PDS5A: variants seen among roughly 807,000 people sequenced by gnomAD.
PDS5A encodes the protein sister chromatid cohesion protein PDS5 homolog A.
Under a neutral mutation model 167.1 loss-of-function variants are expected in PDS5A, and 42 were observed. The observed-to-expected ratio is 0.25, with a 90% CI of 0.20 to 0.33. PDS5A has a LOEUF of 0.33. Among genes scored for constraint, PDS5A ranks in the 10% least tolerant of loss-of-function variants. The pLI is 1.00. For missense variants in PDS5A, 1,033 were observed against 1,605.9 expected, an observed-to-expected ratio of 0.64 and a Z score of 6.10; for synonymous variants, 553 against 554.6, an observed-to-expected ratio of 1.00 and a Z score of 0.04.
chr4:39,860,505 T>A (rs941096959), intron 26 of PDS5A, among the ~76,000 whole-genome samples: 4 of 151,452 alleles, frequency 2.6e-5, no homozygotes, highest in Non-Finnish European at 5.9e-5. Context: ...GAAAGGAAAT[T>A]AGTAGATCTA....
intron 20 of PDS5A, 103 bp downstream of exon 20, chr4:39,874,186 A>AC: frequency 1.2e-6 from 1 of 861,134 alleles, no homozygotes; most frequent in South Asian, 1.8e-5. Context: ...CTAAGGTAGG[A>AC]CTTCATATAA....
intron 2 of PDS5A, among the ~76,000 whole-genome samples, chr4:39,968,292 A>C: frequency 6.6e-6 from 1 of 151,388 alleles, no homozygotes; most frequent in East Asian, 1.9e-4. Context: ...TTAGATGTGA[A>C]CCCTGTATTA....
intron 14 of PDS5A, 28 bp from the exon 15 acceptor site, chr4:39,898,853 C>T (rs1722640392): frequency 6.6e-7 from 1 of 1,507,030 alleles, no homozygotes; most frequent in Non-Finnish European, 9.1e-7. Flanking sequence ...AACAAAAGAA[C>T]AACTAGTCAT....
intron 21 of PDS5A, among the ~76,000 whole-genome samples, chr4:39,871,319 C>T (rs1175898257): frequency 6.6e-6 from 1 of 152,148 alleles, no homozygotes; most frequent in Non-Finnish European, 1.5e-5. Flanking sequence ...CGTCTGAAAA[C>T]ACAATCTATC....
chr4:39,829,723 G>A (rs1319038644), intron 32 of PDS5A, among the ~76,000 whole-genome samples: 3 of 151,348 alleles, frequency 2.0e-5, no homozygotes, highest in South Asian at 2.1e-4. Flanking sequence ...AGGCCGAGGC[G>A]GGCGGATCAC....
At chr4:39,911,957 A>C (rs1045820010) in intron 9 of PDS5A, among the ~76,000 whole-genome samples, 16 of 152,196 alleles carry the variant, frequency 1.1e-4, no homozygotes, top group African/African-American at 3.1e-4. Context: ...GATCTGAAAT[A>C]GCTGGAAGTA....
chr4:39,866,625 T>C (rs2109556347), intron 23 of PDS5A, among the ~76,000 whole-genome samples: 2 of 152,318 alleles, frequency 1.3e-5, no homozygotes, highest in Middle Eastern at 3.4e-3. Flanking sequence ...AATATAGTGA[T>C]TATGATTATG....
intron 2 of PDS5A, among the ~76,000 whole-genome samples, chr4:39,952,725 ATTT>A (rs35943320): frequency 1.6e-5 from 2 of 128,264 alleles, no homozygotes; most frequent in Non-Finnish European, 3.2e-5. Context: ...CAGATCTGGA[ATTT>A]TTTTTTTTTT....
chr4:39,878,321 C>T (rs562227158), intron 18 of PDS5A, among the ~76,000 whole-genome samples: 114 of 152,236 alleles, frequency 7.5e-4, no homozygotes, highest in African/African-American at 2.6e-3. Context: ...ACTGGCCGGG[C>T]GCGGTGGCTC....
At chr4:39,971,474 T>A (rs11730170) in intron 2 of PDS5A, among the ~76,000 whole-genome samples, 36,997 of 151,726 alleles carry the variant, frequency 0.24, 4,961 homozygotes, top group East Asian at 0.44. Context: ...AGGTCTTTTT[T>A]AATGAGACAG....
chr4:39,839,761 G>GC (rs1560416611), intron 31 of PDS5A, among the ~76,000 whole-genome samples: 1 of 147,546 alleles, frequency 6.8e-6, no homozygotes, highest in Non-Finnish European at 1.5e-5. Context: ...TTCTGGGGGG[G>GC]GGGGGCAGGG....
chr4:39,962,783 G>A (rs1220870768), intron 2 of PDS5A, among the ~76,000 whole-genome samples: 2 of 151,994 alleles, frequency 1.3e-5, no homozygotes, highest in African/African-American at 2.4e-5. Flanking sequence ...GCAACAGAGC[G>A]AGACTCCGTC....
chr4:39,875,401 C>T (rs939645933), intron 19 of PDS5A, among the ~76,000 whole-genome samples: 1 of 151,838 alleles, frequency 6.6e-6, no homozygotes, highest in Non-Finnish European at 1.5e-5. Flanking sequence ...TTTTTATAAT[C>T]AGAATAAAAT....
At chr4:39,927,125 A>G (rs1055446403) in intron 3 of PDS5A, among the ~76,000 whole-genome samples, 3 of 152,200 alleles carry the variant, frequency 2.0e-5, no homozygotes, top group Non-Finnish European at 4.4e-5. Context: ...ATATCTCATT[A>G]TAATTTCTTC....
chr4:39,850,202 G>C (rs1378592643), intron 26 of PDS5A, among the ~76,000 whole-genome samples: 1 of 151,094 alleles, frequency 6.6e-6, no homozygotes, highest in Non-Finnish European at 1.5e-5. Flanking sequence ...AACCCAGGAG[G>C]CAGAGCTTAC....
intron 17 of PDS5A, among the ~76,000 whole-genome samples, chr4:39,888,241 CAA>C (rs34845975): frequency 0.04 from 2,222 of 56,110 alleles, 31 homozygotes; most frequent in African/African-American, 0.14. Flanking sequence ...AAGACTCCGG[CAA>C]AAAAAAAAAA....
Position 39,890,272 on chromosome 4 carries a change from C to T in PDS5A, c.1863G>A (p.Val621=). Residue 621 remains valine, a synonymous_variant, in exon 17 of 33, where the codon GTG becomes GTA. Transcript: ENST00000303538. ...ACCTTATGGCTTCTGAATCAATGTG[C>T]ACAGGTGCGATTCTTTCCAACAGAA... ...VKFLLERIAP[V]HIDSEAISAL... 6.4e-7 allele frequency: 1 copy of T among 1,563,478 alleles called. No homozygotes were observed. The highest frequency in any genetic ancestry group is 1.2e-5 in the South Asian group (1 of 85,620).
intron 31 of PDS5A, 126 bp downstream of exon 31, chr4:39,841,822 T>C (rs940313292): frequency 1.6e-6 from 1 of 614,348 alleles, no homozygotes; most frequent in Admixed American, 2.8e-5. Flanking sequence ...AGAAGGTGTG[T>C]GGTAATACAC....
chr4:39,976,354 C>A, intron 2 of PDS5A, 86 bp downstream of exon 2: 1 of 1,178,790 alleles, frequency 8.5e-7, no homozygotes, highest in Non-Finnish European at 1.2e-6. Flanking sequence ...AAACTTGGAA[C>A]TTTAAAGGCC....
Sources: allele counts gnomAD v4.1 joint callset (sites outside exome capture counted in the v4.1 genomes callset), GRCh38; gene constraint gnomAD v4.1.1; transcripts MANE v1.5; gene names NCBI Gene and HGNC (gene_info 2026-07-23, HGNC 2026-07-21).